The following NXF3 variants were observed in gnomAD, a reference collection of about 807,000 sequenced individuals.
NXF3 encodes nuclear RNA export factor 3, also known as TAP-like protein 3.
NXF3 carries 34 observed loss-of-function variants against 48.4 expected under a neutral mutation model. The ratio of observed to expected loss-of-function variants is 0.70; its 90% CI spans 0.53 to 0.93. The LOEUF is 0.93. Ranked by LOEUF, NXF3 falls within the 40% of genes least tolerant of loss-of-function variation. NXF3 has a pLI of 0.00. For synonymous variants in NXF3, 132 were observed against 145.7 expected (o/e 0.91, Z 0.68); for missense variants, 359 against 406.1 (o/e 0.88, Z 1.00).
intron 1 of NXF3, among the ~76,000 whole-genome samples, chrX:103,089,730 T>C (rs769643965): frequency 5.4e-5 from 6 of 111,981 alleles, no homozygotes; most frequent in African/African-American, 1.9e-4. Context: ...GAAAGCATAA[T>C]TTTGTCCACA....
intron 1 of NXF3, chrX:103,089,287 C>T (rs1242915044): frequency 1.1e-5 from 5 of 452,718 alleles, no homozygotes; most frequent in Non-Finnish European, 1.9e-5. Flanking sequence ...TAAACTGTCA[C>T]AACCACTAAC....
intron 18 of NXF3, among the ~76,000 whole-genome samples, chrX:103,076,774 G>A (rs1299302983): frequency 1.2e-5 from 1 of 83,771 alleles, no homozygotes; most frequent in South Asian, 6.2e-4. Context: ...ATGCGTATCT[G>A]ATTGTTCCCC....
Position 103,079,200 on chromosome X carries a change from A to G in NXF3, c.1378+21T>C, listed in dbSNP as rs370416890. On this transcript the variant is annotated intron_variant, in intron 16 of 19. Coordinates refer to ENST00000395065, the MANE Select transcript of NXF3 (RefSeq NM_022052.2). Reference sequence around the variant, plus strand: ...GAGGGAGGAGTGGGGGATCTGGGGAAGGGACTCTACAGACACTCACCTTCC... The same window carrying G: ...GAGGGAGGAGTGGGGGATCTGGGGAGGGGACTCTACAGACACTCACCTTCC... The G allele has an allele frequency of 2.8e-5, 34 of 1,204,481 alleles. No homozygotes were observed. In the African/African-American group the frequency reaches 4.9e-4, roughly 17 times the overall value.
chrX:103,092,825 C>A, intron 1 of NXF3, among the ~76,000 whole-genome samples, 171 bp downstream of exon 1: 1 of 112,810 alleles, frequency 8.9e-6, no homozygotes, highest in South Asian at 3.7e-4. Flanking sequence ...ATACCTCAAA[C>A]CCTGGCCCTG....
rs993778263 is a variant in NXF3, at chrX:103,082,783, C to A, written c.757G>T (p.Val253Phe). The change falls in exon 8 of 20, where the codon GTC becomes TTC. Residue 253 changes from valine to phenylalanine, a missense_variant. By Grantham distance (50) the Val-to-Phe change is conservative. Coordinates refer to ENST00000395065, the MANE Select transcript of NXF3 (RefSeq NM_022052.2). ...PRKCMAASLD[V>F]HEENIPTVMS... ...ACTGTAGGTATGTTCTCTTCATGGACGTCCAGGGAGGCAGCCATGCACTTT... is the reference window on the plus strand; with the variant it reads ...ACTGTAGGTATGTTCTCTTCATGGAAGTCCAGGGAGGCAGCCATGCACTTT... 5.0e-6 allele frequency: 6 copies of A among 1,206,202 alleles called. No homozygotes were observed. Among genetic ancestry groups the A allele is most frequent in the Non-Finnish European group, 6.7e-6 (6 of 891,757 alleles).
chrX:103,087,683 A>C (rs1396608083), intron 1 of NXF3: 1 of 1,045,410 alleles, frequency 9.6e-7, no homozygotes, highest in Non-Finnish European at 1.3e-6. Context: ...TGCATATACA[A>C]TCTGTGGCAA....
In NXF3 at chrX:103,084,695, G is replaced by A; in HGVS notation, c.197+20C>T. ...TCACTGGCTGGTACATTCCAGCCAT[G>A]CTGACTACTGGTCACTTACTATCTT... On this transcript the variant is annotated intron_variant, in intron 2 of 19. Coordinates refer to ENST00000395065, the MANE Select transcript of NXF3 (RefSeq NM_022052.2). 1 of 1,204,361 alleles carries A rather than the reference G, an allele frequency of 8.3e-7. No homozygotes were observed. The highest frequency in any genetic ancestry group is 1.1e-6 in the Non-Finnish European group (1 of 889,668).
intron 18 of NXF3, 25 bp downstream of exon 18, chrX:103,077,589 C>G (rs778334344): frequency 2.5e-6 from 3 of 1,208,047 alleles, no homozygotes; most frequent in Non-Finnish European, 3.4e-6. Flanking sequence ...GTTCATCCCC[C>G]AGACTGGGCA....
chrX:103,077,970 T>C (rs1921913580), intron 17 of NXF3, among the ~76,000 whole-genome samples: 1 of 111,633 alleles, frequency 9.0e-6, no homozygotes, highest in African/African-American at 3.3e-5. Flanking sequence ...AACCCAAGGA[T>C]GGTTTTACAC....
chrX:103,076,742 C>T (rs1487169820), intron 18 of NXF3, among the ~76,000 whole-genome samples: 1 of 93,615 alleles, frequency 1.1e-5, no homozygotes, highest in African/African-American at 4.0e-5. Context: ...GGTACAGTCA[C>T]CCCCCCATCC....
chrX:103,083,715 G>A (rs1335419676), intron 3 of NXF3, 23 bp from the exon 4 acceptor site: 1 of 1,104,019 alleles, frequency 9.1e-7, no homozygotes, highest in Non-Finnish European at 1.3e-6. Flanking sequence ...GAAAGAATGA[G>A]TGAGGAAAGG....
intron 1 of NXF3, chrX:103,087,735 T>C (rs1375071693): frequency 3.9e-6 from 4 of 1,015,801 alleles, no homozygotes; most frequent in African/African-American, 3.7e-5. Context: ...CATGTACTTA[T>C]TCATACTGGT....
chrX:103,088,850 A>C lies in NXF3; in HGVS notation c.29-3967T>G, dbSNP rs1440124095. ...ACTTGAACAATCTTTCTAATCATCCACGTAATAATGTTAACTATAATGATT... is the reference window on the plus strand; with the variant it reads ...ACTTGAACAATCTTTCTAATCATCCCCGTAATAATGTTAACTATAATGATT... On this transcript the variant is annotated intron_variant, in intron 1 of 19. Transcript: ENST00000395065. 4.3e-6 allele frequency: 5 copies of C among 1,165,767 alleles called. No homozygotes were observed. The East Asian group carries it at 1.5e-4, about 35-fold the overall frequency.
intron 3 of NXF3, 70 bp downstream of exon 3, chrX:103,084,272 C>T: frequency 8.8e-7 from 1 of 1,134,266 alleles, no homozygotes; most frequent in Non-Finnish European, 1.2e-6. Flanking sequence ...TATCTAGTGT[C>T]CACACAAATC....
intron 9 of NXF3, 60 bp downstream of exon 9, chrX:103,082,195 C>T (rs770043526): frequency 1.3e-6 from 1 of 783,221 alleles, no homozygotes; most frequent in African/African-American, 2.0e-5. Context: ...CCTCCTCCTG[C>T]AGAAGGGCGC....
In NXF3 at chrX:103,084,812, A is replaced by C. The variant is rs1922106380; in HGVS notation, c.100T>G (p.Ser34Ala). The C allele has an allele frequency of 3.3e-6, 4 of 1,209,498 alleles. No homozygotes were observed. Among genetic ancestry groups the C allele is most frequent in the Non-Finnish European group, 4.5e-6 (4 of 894,361 alleles). The change falls in exon 2 of 20, where the codon TCT becomes GCT. Residue 34 changes from serine to alanine, a missense_variant. Transcript: ENST00000395065. ...TGCATGCCAGGATTGACAGGTTCAG[A>C]CCTACTGCTAAATCTCCTTTGGTAA... ...DIYQRRFSSRSEPVNPGMHSS... is the reference protein window; with the variant it reads ...DIYQRRFSSRAEPVNPGMHSS...
intron 1 of NXF3, chrX:103,087,089 C>T: frequency 5.5e-6 from 2 of 363,363 alleles, no homozygotes; most frequent in Non-Finnish European, 4.8e-6. Flanking sequence ...ATCCTCACAT[C>T]GTTTTAATGG....
At chrX:103,088,433 C>A in intron 1 of NXF3, 2 of 740,405 alleles carry the variant, frequency 2.7e-6, no homozygotes, top group Non-Finnish European at 2.0e-6. Context: ...AAAAGCAGTT[C>A]CAGAACCAAA....
intron 1 of NXF3, among the ~76,000 whole-genome samples, chrX:103,085,702 G>T (rs942805426): frequency 2.7e-5 from 3 of 110,128 alleles, no homozygotes; most frequent in African/African-American, 9.9e-5. Flanking sequence ...AGGAGATGGA[G>T]ACCATGCTGG....
Sources: allele counts gnomAD v4.1 joint callset (sites outside exome capture counted in the v4.1 genomes callset), GRCh38; gene constraint gnomAD v4.1.1; transcripts MANE v1.5; gene names NCBI Gene and HGNC (gene_info 2026-07-23, HGNC 2026-07-21).